Variants in L3MBTL1 observed in about 807,000 individuals in gnomAD.
L3MBTL1 encodes L3MBTL histone methyl-lysine binding protein 1, also known as lethal(3)malignant brain tumor-like protein 1.
In L3MBTL1, 75 loss-of-function variants were observed where a neutral mutation model predicts 105.3. The observed-to-expected ratio is 0.71, with a 90% CI of 0.59 to 0.86. The LOEUF is 0.86. Among genes scored for constraint, L3MBTL1 ranks in the 40% least tolerant of loss-of-function variants. The probability of loss-of-function intolerance (pLI) is 0.00; values close to 1 mark genes in which losing one functional copy is unlikely to be tolerated. For missense variants in L3MBTL1, 1,069 were observed against 1,126.4 expected (o/e 0.95, Z 0.73); for synonymous variants, 452 against 436.2 (o/e 1.04, Z -0.45).
At chr20:43,534,612 G>T (rs537545551) in intron 15 of L3MBTL1, 10 of 607,396 alleles carry the variant, frequency 1.6e-5, no homozygotes, top group Non-Finnish European at 2.9e-5. Flanking sequence ...AATAATCCTC[G>T]TCCCACCTAA....
At chr20:43,525,088 A>G (rs943148501) in intron 7 of L3MBTL1, among the ~76,000 whole-genome samples, 1 of 151,208 alleles carries the variant, frequency 6.6e-6, no homozygotes, top group South Asian at 2.1e-4. Flanking sequence ...AGTTGGAATC[A>G]GTAGAATGGA....
At chr20:43,533,885 G>A (rs2019467099) in intron 13 of L3MBTL1, 123 bp from the exon 14 acceptor site, 4 of 734,636 alleles carry the variant, frequency 5.4e-6, no homozygotes, top group Non-Finnish European at 9.7e-6. Context: ...TGGCTGTGGT[G>A]ATGGTGGGAG....
chr20:43,541,825 G>C lies in L3MBTL1; in HGVS notation c.*697G>C. The C allele has an allele frequency of 1.0e-6, 1 of 984,832 alleles. No homozygotes were observed. The highest frequency in any genetic ancestry group is 1.2e-6 in the Non-Finnish European group (1 of 829,390). The allele number at this position is 984,832 out of a possible 1,614,324, so 61.0% of individuals were successfully genotyped here. ...GAGCAATATTATGGAGGAATATGTAGATCCAATCACTTTACCTATACAAAA... is the reference window on the plus strand; with the variant it reads ...GAGCAATATTATGGAGGAATATGTACATCCAATCACTTTACCTATACAAAA... On this transcript the variant is annotated 3_prime_UTR_variant, in exon 22 of 22. Transcript: ENST00000418998.
chr20:43,528,186 C>T (rs36014040), intron 7 of L3MBTL1, among the ~76,000 whole-genome samples: 20,304 of 152,202 alleles, frequency 0.13, 1,567 homozygotes, highest in African/African-American at 0.18. Context: ...AGCTACCATG[C>T]CCAGCCGTGT....
chr20:43,530,984 G>A (rs886108362), intron 11 of L3MBTL1, 95 bp downstream of exon 11: 2 of 983,912 alleles, frequency 2.0e-6, no homozygotes, highest in South Asian at 1.6e-5. Context: ...GGGAGCTCAT[G>A]TGCTGGTTCT....
Position 43,541,155 on chromosome 20 carries a change from A to G in L3MBTL1, c.*27A>G. 4.4e-6 allele frequency: 7 copies of G among 1,600,112 alleles called. No individual in the cohort carries two copies. The highest frequency in any genetic ancestry group is 6.0e-6 in the Non-Finnish European group (7 of 1,169,726). On this transcript the variant is annotated 3_prime_UTR_variant, in exon 22 of 22. Transcript: ENST00000418998. ...GTGTACTTTTTTCCCCTTTAATCCAATATAGTTGATAATTAAAGTGTATTT... is the reference window on the plus strand; with the variant it reads ...GTGTACTTTTTTCCCCTTTAATCCAGTATAGTTGATAATTAAAGTGTATTT...
At chr20:43,538,367 A>ACG (rs2019737901) in intron 19 of L3MBTL1, among the ~76,000 whole-genome samples, 1 of 152,192 alleles carries the variant, frequency 6.6e-6, no homozygotes, top group Non-Finnish European at 1.5e-5. Flanking sequence ...GGAACTGGCA[A>ACG]AGAAGGGCTC....
At position 43,532,934 on chromosome 20, in the gene L3MBTL1, G is replaced by A. The variant is rs749755195; in HGVS notation, c.1436+10G>A. On this transcript the variant is annotated intron_variant, in intron 12 of 21. Coordinates refer to ENST00000418998, the MANE Select transcript of L3MBTL1 (RefSeq NM_001377303.1). ...ATACTTATGACTACTGGTAGTAGGA[G>A]GGCCCAGACTTGGCCTCAGGGGGTG... 18 of 1,614,128 alleles carry A rather than the reference G, an allele frequency of 1.1e-5. 1 individual carries two copies. The South Asian group carries it at 1.4e-4, about 13-fold the overall frequency.
chr20:43,511,547 C>T (rs1260136812), intron 1 of L3MBTL1, among the ~76,000 whole-genome samples: 1 of 151,972 alleles, frequency 6.6e-6, no homozygotes, highest in Non-Finnish European at 1.5e-5. Context: ...TTTGGGAGGC[C>T]GAGGTGGGCG....
rs147476830 is a variant in L3MBTL1 at position 43,534,027 on chromosome 20, C to G, written c.1533C>G (p.Asn511Lys). The change falls in exon 14 of 22, where the codon AAC becomes AAG. Residue 511 changes from asparagine (N) to lysine (K), a missense_variant. By Grantham distance (94) the Asn-to-Lys change is moderately conservative. Coordinates refer to ENST00000418998, the MANE Select transcript of L3MBTL1 (RefSeq NM_001377303.1). The stretch of plus-strand genomic sequence containing the variant: ...CTCCAGACTACCCAGACCCTGATAA[C>G]TTCTGTTGGGAGAAATATCTGGAAG... ...TPPQDYPDPD[N>K]FCWEKYLEET... The G allele has an allele frequency of 3.8e-5, 62 of 1,613,924 alleles. No homozygotes were observed. The highest frequency in any genetic ancestry group is 4.9e-5 in the Non-Finnish European group (58 of 1,179,946).
At chr20:43,540,035 G>A in intron 19 of L3MBTL1, 116 bp from the exon 20 acceptor site, 1 of 1,178,742 alleles carries the variant, frequency 8.5e-7, no homozygotes, top group Non-Finnish European at 1.2e-6. Flanking sequence ...GTCAGAAGGG[G>A]CCCGGAGTCC....
intron 7 of L3MBTL1, chr20:43,523,371 A>G: frequency 9.1e-6 from 2 of 219,726 alleles, no homozygotes; most frequent in Non-Finnish European, 2.0e-5. Context: ...AATGCCAGCC[A>G]AGGTCTCAGA....
chr20:43,542,597 C>CA (rs1203197055), downstream of L3MBTL1, among the ~76,000 whole-genome samples: 1 of 44,782 alleles, frequency 2.2e-5, no homozygotes, highest in African/African-American at 8.6e-5. Flanking sequence ...TTAAGTCATA[C>CA]AAAAAAAATT....
chr20:43,522,660 C>G (rs1226834266), intron 7 of L3MBTL1, among the ~76,000 whole-genome samples: 4 of 150,892 alleles, frequency 2.7e-5, no homozygotes, highest in Admixed American at 2.6e-4. Flanking sequence ...TTTGTAGAGA[C>G]AGGGTTCCGC....
At chr20:43,519,973 T>C (rs144222203) in intron 7 of L3MBTL1, among the ~76,000 whole-genome samples, 374 of 152,312 alleles carry the variant, frequency 2.5e-3, no homozygotes, top group Middle Eastern at 6.8e-3. Context: ...CCATTTGAAG[T>C]GTACAATTCA....
At chr20:43,528,796 A>T in intron 8 of L3MBTL1, 51 bp downstream of exon 8, 1 of 1,384,248 alleles carries the variant, frequency 7.2e-7, no homozygotes, top group Non-Finnish European at 1.0e-6. Flanking sequence ...TAGCCTAGGG[A>T]CACACCACCA....
chr20:43,540,455 G>C lies in L3MBTL1; in HGVS notation c.2331+147G>C, dbSNP rs771600949. 131 of 946,184 alleles carry C rather than the reference G, an allele frequency of 1.4e-4. 1 individual carries two copies. Among genetic ancestry groups the C allele is most frequent in the Non-Finnish European group, 1.9e-4 (122 of 637,154 alleles). The allele number at this position is 946,184 out of a possible 1,614,324, so 58.6% of individuals were successfully genotyped here. On this transcript the variant is annotated intron_variant, in intron 20 of 21. Transcript: ENST00000418998. Reference sequence around the variant, plus strand: ...TCTGTCCTGTGCACAGTCCCTTCTAGCTGCCCAGTAGGGGCTGACTGAGAC... The same window carrying C: ...TCTGTCCTGTGCACAGTCCCTTCTACCTGCCCAGTAGGGGCTGACTGAGAC...
chr20:43,533,067 G>C, intron 12 of L3MBTL1, 143 bp downstream of exon 12: 1 of 836,686 alleles, frequency 1.2e-6, no homozygotes, highest in Non-Finnish European at 1.9e-6. Flanking sequence ...ATTGAATTGA[G>C]CTTTATCATA....
intron 7 of L3MBTL1, among the ~76,000 whole-genome samples, chr20:43,525,930 C>T (rs534657005): frequency 1.3e-5 from 2 of 152,228 alleles, no homozygotes; most frequent in Admixed American, 6.5e-5. Flanking sequence ...TGAAGAGGTG[C>T]ATAGTGGTAA....
Sources: gnomAD v4.1 joint callset for allele counts (sites outside exome capture counted in the v4.1 genomes callset) on GRCh38, gnomAD v4.1.1 for gene constraint, MANE v1.5 for transcripts, NCBI Gene and HGNC (gene_info 2026-07-23, HGNC 2026-07-21) for gene names.